The following PBX3 variants were observed in gnomAD, a reference collection of about 807,000 sequenced individuals.
The protein encoded by PBX3 is pre-B-cell leukemia transcription factor 3.
Under a neutral mutation model 48.5 loss-of-function variants are expected in PBX3, and 14 were observed. That is an observed-to-expected ratio of 0.29 (90% confidence interval 0.19 to 0.45). The LOEUF is 0.45. Ranked by LOEUF, PBX3 falls within the 20% of genes least tolerant of loss-of-function variation. The pLI, the probability that PBX3 is intolerant of heterozygous loss-of-function variation, is 1.00. For synonymous variants in PBX3, 210 were observed against 200.3 expected, an observed-to-expected ratio of 1.05 and a Z score of -0.41; for missense variants, 386 against 546.7, an observed-to-expected ratio of 0.71 and a Z score of 2.93.
At chr9:125,778,605 C>CTTTTTTTTTTTTTTTTTTTT (rs138965100) in intron 2 of PBX3, among the ~76,000 whole-genome samples, 1 of 132,900 alleles carries the variant, frequency 7.5e-6, no homozygotes, top group African/African-American at 2.8e-5. Context: ...TTGATCTTTT[C>CTTTTTTTTTTTTTTTTTTTT]TTTTTTTTTT....
chr9:125,873,435 A>G (rs1840175720), intron 2 of PBX3, among the ~76,000 whole-genome samples: 1 of 152,204 alleles, frequency 6.6e-6, no homozygotes, highest in African/African-American at 2.4e-5. Context: ...ACACTGAAAA[A>G]AACTTAACTA....
intron 2 of PBX3, among the ~76,000 whole-genome samples, chr9:125,902,343 G>A (rs1840966589): frequency 6.6e-6 from 1 of 151,578 alleles, no homozygotes; most frequent in South Asian, 2.1e-4. Flanking sequence ...TGTTGTACTC[G>A]CATTATTGTT....
chr9:125,922,722 G>C (rs1841482887), intron 3 of PBX3, among the ~76,000 whole-genome samples: 1 of 152,136 alleles, frequency 6.6e-6, no homozygotes, highest in Non-Finnish European at 1.5e-5. Context: ...CATTCTTACT[G>C]TGTTTATATG....
At chr9:125,952,878 G>C (rs1177347169) in intron 5 of PBX3, among the ~76,000 whole-genome samples, 2 of 151,930 alleles carry the variant, frequency 1.3e-5, no homozygotes, top group African/African-American at 4.8e-5. Context: ...CACAAAAACA[G>C]AAATTACTTC....
intron 2 of PBX3, among the ~76,000 whole-genome samples, chr9:125,756,122 C>G (rs1010331301): frequency 1.3e-5 from 2 of 152,076 alleles, no homozygotes; most frequent in African/African-American, 4.8e-5. Flanking sequence ...AACATTCTGA[C>G]TTGAATCCAT....
chr9:125,898,072 A>G (rs553132494), intron 2 of PBX3, among the ~76,000 whole-genome samples: 144 of 151,982 alleles, frequency 9.5e-4, no homozygotes, highest in African/African-American at 3.3e-3. Flanking sequence ...ATTATGATGG[A>G]ATTGATAAAT....
intron 3 of PBX3, among the ~76,000 whole-genome samples, chr9:125,924,981 C>T (rs1841540377): frequency 6.6e-6 from 1 of 152,198 alleles, no homozygotes; most frequent in African/African-American, 2.4e-5. Context: ...GACTTCTGCT[C>T]ATTACTTAAC....
chr9:125,819,717 A>G (rs1286291954), intron 2 of PBX3, among the ~76,000 whole-genome samples: 1 of 152,114 alleles, frequency 6.6e-6, no homozygotes, highest in Non-Finnish European at 1.5e-5. Context: ...TGTTTTATAT[A>G]TATATAAAAC....
chr9:125,844,337 A>C (rs950092147), intron 2 of PBX3, among the ~76,000 whole-genome samples: 9 of 151,384 alleles, frequency 5.9e-5, no homozygotes, highest in African/African-American at 1.9e-4. Flanking sequence ...AAAAAAAATC[A>C]AGAAAAAGTC....
intron 2 of PBX3, among the ~76,000 whole-genome samples, chr9:125,756,238 T>C (rs1836515470): frequency 6.6e-6 from 1 of 152,186 alleles, no homozygotes; most frequent in South Asian, 2.1e-4. Context: ...TGACATTTTG[T>C]GTGGAAGATG....
intron 2 of PBX3, among the ~76,000 whole-genome samples, chr9:125,882,109 A>T (rs1840396307): frequency 6.6e-6 from 1 of 152,054 alleles, no homozygotes; most frequent in Admixed American, 6.6e-5. Flanking sequence ...ACATGCTTGT[A>T]ATCCTAGCTA....
At chr9:125,790,214 C>T (rs575232058) in intron 2 of PBX3, among the ~76,000 whole-genome samples, 22 of 151,990 alleles carry the variant, frequency 1.4e-4, no homozygotes, top group Non-Finnish European at 3.2e-4. Flanking sequence ...GACAGAAAGC[C>T]ATCCAAAGCA....
chr9:125,915,966 C>T (rs758171897), intron 3 of PBX3, 39 bp downstream of exon 3: 1 of 1,600,328 alleles, frequency 6.2e-7, no homozygotes, highest in East Asian at 2.2e-5. Flanking sequence ...CACAAACCCT[C>T]TGTTGCTCTT....
At chr9:125,947,047 A>C (rs113939236) in intron 5 of PBX3, among the ~76,000 whole-genome samples, 121 of 152,334 alleles carry the variant, frequency 7.9e-4, no homozygotes, top group African/African-American at 2.9e-3. Flanking sequence ...TGATGAATCA[A>C]ATTAAATGTC....
chr9:125,753,458 C>T (rs1249486587), intron 2 of PBX3, among the ~76,000 whole-genome samples: 1 of 151,904 alleles, frequency 6.6e-6, no homozygotes, highest in Non-Finnish European at 1.5e-5. Context: ...ATCTCATTGC[C>T]AAGCTGGTTT....
At chr9:125,753,278 A>G (rs1588115810) in intron 2 of PBX3, among the ~76,000 whole-genome samples, 1 of 114,358 alleles carries the variant, frequency 8.7e-6, no homozygotes, top group Non-Finnish European at 2.0e-5. Flanking sequence ...TTAACTTAAT[A>G]TTTTACCTTT....
intron 2 of PBX3, among the ~76,000 whole-genome samples, chr9:125,827,606 A>AT (rs893521035): frequency 6.6e-6 from 1 of 151,938 alleles, no homozygotes; most frequent in Admixed American, 6.6e-5. Flanking sequence ...TTGTAGCTTG[A>AT]TTTTTTGCTC....
chr9:125,749,977 CTT>C (rs752604840), intron 2 of PBX3, among the ~76,000 whole-genome samples: 9 of 152,102 alleles, frequency 5.9e-5, no homozygotes, highest in Non-Finnish European at 1.0e-4. Context: ...GAATTACTAA[CTT>C]TTATTTTGTG....
At chr9:125,829,769 T>C (rs1307630439) in intron 2 of PBX3, among the ~76,000 whole-genome samples, 2 of 152,116 alleles carry the variant, frequency 1.3e-5, no homozygotes, top group Non-Finnish European at 2.9e-5. Flanking sequence ...AATTGAAGAG[T>C]TAGAGTGCCA....
Sources: gnomAD v4.1 joint callset for allele counts (sites outside exome capture counted in the v4.1 genomes callset) on GRCh38, gnomAD v4.1.1 for gene constraint, MANE v1.5 for transcripts, NCBI Gene and HGNC (gene_info 2026-07-23, HGNC 2026-07-21) for gene names.